CCP110: variants seen among roughly 807,000 people sequenced by gnomAD.
The protein encoded by CCP110 is centriolar coiled-coil protein of 110 kDa.
In CCP110, 43 loss-of-function variants were observed where a neutral mutation model predicts 105.5. The ratio of observed to expected loss-of-function variants is 0.41; its 90% CI spans 0.32 to 0.53. CCP110 has a LOEUF of 0.53. CCP110 is among the 20% of genes least tolerant of loss of function. The pLI is 0.32. For missense variants in CCP110, 1,016 were observed against 1,189.1 expected (o/e 0.85, Z 2.14); for synonymous variants, 353 against 392.1 (o/e 0.90, Z 1.18).
intron 1 of CCP110, among the ~76,000 whole-genome samples, chr16:19,524,443 T>G (rs540567336): frequency 6.6e-6 from 1 of 152,238 alleles, no homozygotes; most frequent in East Asian, 1.9e-4. Context: ...TCAAATTGTT[T>G]GGGCCGTTTT....
chr16:19,550,972 T>A (rs1377829987), intron 14 of CCP110, among the ~76,000 whole-genome samples: 1 of 152,220 alleles, frequency 6.6e-6, no homozygotes, highest in African/African-American at 2.4e-5. Context: ...ATCAGAGTTC[T>A]TCCTTCTAGC....
chr16:19,544,722 AAAAG>A, intron 8 of CCP110, 71 bp from the exon 9 acceptor site: 3 of 794,638 alleles, frequency 3.8e-6, no homozygotes, highest in Admixed American at 2.2e-5. Flanking sequence ...TTGACTGAGA[AAAAG>A]AAAAAAGCAA....
chr16:19,545,865 T>G, exon 11 of CCP110: 1 of 1,606,518 alleles, frequency 6.2e-7, no homozygotes, highest in Non-Finnish European at 8.5e-7. Flanking sequence ...AACACAGAAG[T>G]CTCTTGATAG....
At chr16:19,530,015 G>A (rs1238523172) in intron 2 of CCP110, among the ~76,000 whole-genome samples, 1 of 151,586 alleles carries the variant, frequency 6.6e-6, no homozygotes, top group Non-Finnish European at 1.5e-5. Flanking sequence ...AGGGCAACGT[G>A]GTGAAATCTC....
At chr16:19,525,954 G>A (rs1367714363) in intron 1 of CCP110, 1 of 152,630 alleles carries the variant, frequency 6.6e-6, no homozygotes, top group Non-Finnish European at 1.5e-5. Context: ...TGCCTTCTCT[G>A]AGGAGGGGAT....
chr16:19,533,568 G>A (rs1969948377), intron 3 of CCP110, among the ~76,000 whole-genome samples: 1 of 152,178 alleles, frequency 6.6e-6, no homozygotes, highest in African/African-American at 2.4e-5. Context: ...AGAAAGGTGG[G>A]GGTAGAGGAA....
intron 3 of CCP110, among the ~76,000 whole-genome samples, chr16:19,534,124 T>C (rs566587087): frequency 6.6e-6 from 1 of 152,288 alleles, no homozygotes; most frequent in South Asian, 2.1e-4. Flanking sequence ...CACAGTAGTA[T>C]ATAGTGTGTG....
chr16:19,552,528 A>C (rs1970676438), exon 15 of CCP110: 1 of 67,066 alleles, frequency 1.5e-5, no homozygotes, highest in African/African-American at 2.7e-4. Context: ...CACTGTCTCA[A>C]AAAAAAAAAA....
chr16:19,542,012 A>G, exon 6 of CCP110: 1 of 1,611,044 alleles, frequency 6.2e-7, no homozygotes, highest in Non-Finnish European at 8.5e-7. Context: ...GTTTGCTGGA[A>G]ACAATGCTGT....
At chr16:19,537,070 T>C (rs982066152) in exon 4 of CCP110, 4 of 1,614,054 alleles carry the variant, frequency 2.5e-6, no homozygotes, top group Non-Finnish European at 3.4e-6. Context: ...CTTCAGGAAA[T>C]CATTTAGAAA....
chr16:19,542,146 T>C, intron 6 of CCP110, 82 bp downstream of exon 6: 1 of 950,012 alleles, frequency 1.1e-6, no homozygotes, highest in Non-Finnish European at 1.5e-6. Flanking sequence ...AGATTATATC[T>C]CCTGTTTTCA....
At chr16:19,542,472 T>G (rs1226091334) in intron 6 of CCP110, 149 bp from the exon 7 acceptor site, 2 of 623,212 alleles carry the variant, frequency 3.2e-6, no homozygotes, top group South Asian at 2.0e-5. Context: ...GTATGTAAGC[T>G]TTAAAGTCCA....
intron 3 of CCP110, 116 bp from the exon 4 acceptor site, chr16:19,535,824 A>G (rs1970031785): frequency 1.4e-6 from 1 of 725,326 alleles, no homozygotes; most frequent in African/African-American, 1.8e-5. Flanking sequence ...GTTTTTCTTT[A>G]TGTTTTGAAA....
At position 19,537,333 on chromosome 16, in the gene CCP110, T is replaced by C; in HGVS notation, c.1664T>C (p.Met555Thr). The C allele has an allele frequency of 1.9e-6, 3 of 1,614,160 alleles. 1 individual carries two copies. The South Asian group carries it at 3.3e-5, about 18-fold the overall frequency. Residue 555 changes from methionine (M) to threonine (T), a missense_variant, in exon 4 of 15, where the codon ATG (methionine) becomes ACG (threonine). Coordinates refer to ENST00000381396, the Ensembl canonical transcript of CCP110. The stretch of plus-strand genomic sequence containing the variant: ...GTAAAAAACCCTTCTCCTTTATTGA[T>C]GCAAAACCAGAATACGAGACAGCAG...
At chr16:19,536,726 G>C in exon 4 of CCP110, 1 of 1,614,064 alleles carries the variant, frequency 6.2e-7, no homozygotes, top group Non-Finnish European at 8.5e-7. Context: ...CGAAAATAAT[G>C]TTATCAAAAG....
At chr16:19,534,490 G>A (rs1969979715) in intron 3 of CCP110, among the ~76,000 whole-genome samples, 3 of 152,076 alleles carry the variant, frequency 2.0e-5, no homozygotes, top group Non-Finnish European at 2.9e-5. Context: ...TTTTAGTGAC[G>A]TATAAACAAC....
Position 19,548,304 on chromosome 16 carries a change from GAAGTGAT to G in CCP110, c.2901-210_2901-204del. The stretch of plus-strand genomic sequence containing the variant: ...TCCATATAGTAAATTCAGCATCACC[GAAGTGAT>G]TCTCCAACAGAGTATGACTCGTGCT... On this transcript the variant is annotated intron_variant, in intron 13 of 14. Transcript: ENST00000381396. The surrounding 1 kb of genome is among the most constrained non-coding windows in gnomAD (Gnocchi z 4.1). 1.7e-6 allele frequency: 1 copy of G among 574,304 alleles called. No homozygotes were observed. The highest frequency in any genetic ancestry group is 3.4e-5 in the Admixed American group (1 of 29,840). The allele number at this position is 574,304 out of a possible 1,614,324, so 35.6% of individuals were successfully genotyped here.
At chr16:19,543,181 G>A (rs577214135) in intron 8 of CCP110, among the ~76,000 whole-genome samples, 187 bp downstream of exon 8, 20 of 152,156 alleles carry the variant, frequency 1.3e-4, no homozygotes, top group Non-Finnish European at 2.6e-4. Flanking sequence ...AGCTGGAGCC[G>A]CAGCAAAGGA....
intron 4 of CCP110, 122 bp from the exon 5 acceptor site, chr16:19,540,535 G>C: frequency 1.3e-6 from 1 of 789,502 alleles, no homozygotes; most frequent in Non-Finnish European, 2.0e-6. Flanking sequence ...GCTATATCTT[G>C]ATTGTATTAT....
Sources: gnomAD v4.1 joint callset for allele counts (sites outside exome capture counted in the v4.1 genomes callset) on GRCh38, gnomAD v4.1.1 for gene constraint, Gnocchi (gnomAD v3.1) non-coding constraint, MANE v1.5 for transcripts, NCBI Gene and HGNC (gene_info 2026-07-23, HGNC 2026-07-21) for gene names.